The following CTIF variants were observed in gnomAD, a reference collection of about 807,000 sequenced individuals.
The protein encoded by CTIF is CBP80/20-dependent translation initiation factor.
In CTIF, 21 loss-of-function variants were observed where a neutral mutation model predicts 66.0. That is an observed-to-expected ratio of 0.32 (90% CI 0.23 to 0.46). The LOEUF is 0.46. Ranked by LOEUF, CTIF falls within the 20% of genes least tolerant of loss-of-function variation. The pLI is 1.00. For synonymous variants in CTIF, 345 were observed against 326.4 expected (o/e 1.06, Z -0.62); for missense variants, 739 against 812.7 (o/e 0.91, Z 1.10).
chr18:48,561,235 CAA>C (rs36056519), intron 1 of CTIF, among the ~76,000 whole-genome samples: 4 of 92,334 alleles, frequency 4.3e-5, no homozygotes, highest in Admixed American at 1.3e-4. Flanking sequence ...GACTCTGTCT[CAA>C]AAAAAAAAAA....
At chr18:48,817,158 A>G in intron 9 of CTIF, 63 bp from the exon 10 acceptor site, 2 of 1,525,032 alleles carry the variant, frequency 1.3e-6, no homozygotes, top group Non-Finnish European at 1.8e-6. Flanking sequence ...TCTGCACAGC[A>G]GGGTGGCACC....
intron 3 of CTIF, among the ~76,000 whole-genome samples, chr18:48,644,072 G>T (rs1250599375): frequency 2.0e-5 from 3 of 152,174 alleles, no homozygotes; most frequent in Non-Finnish European, 4.4e-5. Flanking sequence ...TAACTCTTTT[G>T]CTTGTGTCTT....
At position 48,606,906 on chromosome 18, in the gene CTIF, A is replaced by C. The variant is rs1194655981; in HGVS notation, c.-28-12632A>C. 3.3e-5 allele frequency among the ~76,000 whole-genome samples: 5 copies of C among 152,226 alleles called. No individual in the cohort carries two copies. In the South Asian group the frequency reaches 1.0e-3, roughly 31 times the overall value. Reference sequence around the variant, plus strand: ...ATCTTGAGGATTAAATTAATATATGACAAGCATTTAGCACAGGGGCCGGCA... The same window carrying C: ...ATCTTGAGGATTAAATTAATATATGCCAAGCATTTAGCACAGGGGCCGGCA... On this transcript the variant is annotated intron_variant, in intron 1 of 11. Coordinates refer to ENST00000256413, the MANE Select transcript of CTIF (RefSeq NM_014772.3).
At chr18:48,634,679 A>G (rs1413919486) in intron 2 of CTIF, among the ~76,000 whole-genome samples, 1 of 152,212 alleles carries the variant, frequency 6.6e-6, no homozygotes, top group Non-Finnish European at 1.5e-5. Context: ...GCCCAGCCAG[A>G]AGCCAGCTGA....
chr18:48,731,190 G>C (rs1200145876), intron 7 of CTIF, among the ~76,000 whole-genome samples: 1 of 152,080 alleles, frequency 6.6e-6, no homozygotes, highest in Non-Finnish European at 1.5e-5. Flanking sequence ...CCCTGTTGGG[G>C]TTTAAAACCC....
chr18:48,768,907 A>C (rs1909840107), intron 9 of CTIF, among the ~76,000 whole-genome samples: 1 of 152,176 alleles, frequency 6.6e-6, no homozygotes, highest in South Asian at 2.1e-4. Flanking sequence ...CTAAAAAACA[A>C]AAAAGAATCC....
chr18:48,588,647 T>G (rs756841213), intron 1 of CTIF, among the ~76,000 whole-genome samples: 2 of 151,148 alleles, frequency 1.3e-5, no homozygotes, highest in Non-Finnish European at 3.0e-5. Context: ...ACATCCGTCC[T>G]TCCTTCTCCT....
chr18:48,577,775 A>G (rs2089567028), intron 1 of CTIF, among the ~76,000 whole-genome samples: 1 of 152,128 alleles, frequency 6.6e-6, no homozygotes, highest in Admixed American at 6.5e-5. Context: ...GCATTTCACC[A>G]TGTTGCCCAG....
chr18:48,544,539 C>A (rs1259360874), intron 1 of CTIF, among the ~76,000 whole-genome samples: 10 of 152,212 alleles, frequency 6.6e-5, no homozygotes. Flanking sequence ...GGCCACAGAG[C>A]CAGACCCAAA....
intron 1 of CTIF, among the ~76,000 whole-genome samples, chr18:48,542,950 C>T (rs973947641): frequency 3.3e-5 from 5 of 152,234 alleles, no homozygotes; most frequent in East Asian, 1.9e-4. Context: ...TGGTCCCGCC[C>T]CAGCTCAGAT....
intron 6 of CTIF, among the ~76,000 whole-genome samples, chr18:48,692,340 A>AC (rs199636187): frequency 6.8e-6 from 1 of 146,632 alleles, no homozygotes; most frequent in Non-Finnish European, 1.5e-5. Context: ...CAAAAAACAA[A>AC]AAAAAAAAAC....
chr18:48,851,901 C>T (rs992287729), intron 10 of CTIF, among the ~76,000 whole-genome samples: 3 of 151,928 alleles, frequency 2.0e-5, no homozygotes, highest in South Asian at 2.1e-4. Flanking sequence ...TGCTAAGCAC[C>T]CTAGGGAAGC....
At chr18:48,600,529 C>A (rs1318215471) in intron 1 of CTIF, among the ~76,000 whole-genome samples, 1 of 152,086 alleles carries the variant, frequency 6.6e-6, no homozygotes. Flanking sequence ...TCTCATTCGC[C>A]TTGGTATCCC....
intron 1 of CTIF, among the ~76,000 whole-genome samples, chr18:48,561,950 C>A (rs1481037656): frequency 6.6e-6 from 1 of 152,172 alleles, no homozygotes; most frequent in East Asian, 1.9e-4. Context: ...CACAGTCATG[C>A]CTGTTTCTTC....
At chr18:48,630,731 G>A (rs980152221) in intron 2 of CTIF, among the ~76,000 whole-genome samples, 5 of 151,176 alleles carry the variant, frequency 3.3e-5, no homozygotes, top group Non-Finnish European at 4.4e-5. Context: ...GCTGGAGTGC[G>A]GTGGCGCGAT....
chr18:48,823,107 A>C (rs1486556939), intron 10 of CTIF, among the ~76,000 whole-genome samples: 1 of 152,050 alleles, frequency 6.6e-6, no homozygotes, highest in African/African-American at 2.4e-5. Context: ...CTCCTGTTCC[A>C]TACTTTGTCT....
chr18:48,585,554 C>A (rs2089748983), intron 1 of CTIF, among the ~76,000 whole-genome samples: 1 of 152,204 alleles, frequency 6.6e-6, no homozygotes, highest in Admixed American at 6.5e-5. Flanking sequence ...TGGGGGTGAC[C>A]TGCTGGGAAG....
chr18:48,753,385 C>T (rs1200485040), intron 7 of CTIF, among the ~76,000 whole-genome samples: 1 of 152,152 alleles, frequency 6.6e-6, no homozygotes, highest in African/African-American at 2.4e-5. Context: ...TCCATTTGGA[C>T]TGCTGTTAAA....
chr18:48,639,802 C>G (rs1377122031), intron 3 of CTIF, among the ~76,000 whole-genome samples: 1 of 152,146 alleles, frequency 6.6e-6, no homozygotes, highest in African/African-American at 2.4e-5. Context: ...AGAGTGTTGC[C>G]CTTGGCCACG....
Sources: gnomAD v4.1 joint callset for allele counts (sites outside exome capture counted in the v4.1 genomes callset) on GRCh38, gnomAD v4.1.1 for gene constraint, MANE v1.5 for transcripts, NCBI Gene and HGNC (gene_info 2026-07-23, HGNC 2026-07-21) for gene names.